The following CDH13 variants were observed in gnomAD, a reference collection of about 807,000 sequenced individuals.
CDH13 encodes the protein cadherin-13.
Under a neutral mutation model 63.8 loss-of-function variants are expected in CDH13, and 24 were observed. That is an observed-to-expected ratio of 0.38 (90% CI 0.27 to 0.53). The LOEUF (loss-of-function observed/expected upper bound fraction) is 0.53. CDH13 is among the 20% of genes least tolerant of loss of function. The probability of loss-of-function intolerance (pLI) is 0.85; values close to 1 mark genes in which losing one functional copy is unlikely to be tolerated. For missense variants in CDH13, 1,049 were observed against 903.1 expected (o/e 1.16, Z -2.07); for synonymous variants, 503 against 355.3 (o/e 1.42, Z -4.67).
At chr16:82,682,710 T>C (rs895282404) in intron 1 of CDH13, among the ~76,000 whole-genome samples, 2 of 152,196 alleles carry the variant, frequency 1.3e-5, no homozygotes, top group African/African-American at 2.4e-5. Flanking sequence ...CACAAAGTAA[T>C]TGAGCTTTGC....
chr16:83,526,161 T>G (rs2074954518), intron 7 of CDH13, among the ~76,000 whole-genome samples: 1 of 152,236 alleles, frequency 6.6e-6, no homozygotes, highest in Admixed American at 6.5e-5. Flanking sequence ...GCCACCACCT[T>G]CGAACCAGCT....
intron 8 of CDH13, among the ~76,000 whole-genome samples, chr16:83,659,553 G>T (rs553158926): frequency 3.3e-5 from 5 of 152,228 alleles, no homozygotes; most frequent in Non-Finnish European, 2.9e-5. Context: ...ATCACAGGGG[G>T]GTGTTTTCAG....
intron 2 of CDH13, among the ~76,000 whole-genome samples, chr16:82,871,676 C>G (rs1327980699): frequency 1.3e-5 from 2 of 152,194 alleles, no homozygotes; most frequent in East Asian, 3.9e-4. Context: ...CTAGCCTCAG[C>G]AAAAACATAT....
At chr16:83,082,045 C>T (rs943246105) in intron 3 of CDH13, among the ~76,000 whole-genome samples, 8 of 152,100 alleles carry the variant, frequency 5.3e-5, no homozygotes, top group Non-Finnish European at 1.2e-4. Context: ...GGTGATCTGC[C>T]CGCCTCGGCC....
chr16:83,751,389 G>T (rs1270633750), intron 11 of CDH13, among the ~76,000 whole-genome samples: 1 of 151,834 alleles, frequency 6.6e-6, no homozygotes, highest in Non-Finnish European at 1.5e-5. Flanking sequence ...GAGGTCAGGA[G>T]TTCAAGACCA....
chr16:83,142,597 TCCAGAGCACTGATCACA>T (rs1428674266), intron 4 of CDH13, among the ~76,000 whole-genome samples: 3 of 152,154 alleles, frequency 2.0e-5, no homozygotes, highest in Non-Finnish European at 4.4e-5. Context: ...CTAGTCCTTC[TCCAGAGCACTGATCACA>T]CCAGTGATTA....
intron 5 of CDH13, among the ~76,000 whole-genome samples, chr16:83,326,159 C>A (rs887561646): frequency 2.0e-5 from 3 of 152,158 alleles, no homozygotes; most frequent in African/African-American, 4.8e-5. Context: ...TTTTATTCAT[C>A]TTTCCAGAAC....
intron 1 of CDH13, among the ~76,000 whole-genome samples, chr16:82,694,324 A>C (rs910231124): frequency 6.6e-6 from 1 of 152,246 alleles, no homozygotes; most frequent in African/African-American, 2.4e-5. Flanking sequence ...AAAATGTGAC[A>C]GGCAGACTTT....
chr16:83,244,601 C>G (rs939569018), intron 5 of CDH13, among the ~76,000 whole-genome samples: 6 of 152,016 alleles, frequency 3.9e-5, no homozygotes, highest in African/African-American at 1.5e-4. Context: ...CCAACACCAC[C>G]CTCAGATTTG....
chr16:83,351,230 T>A (rs1177532584), intron 6 of CDH13, among the ~76,000 whole-genome samples: 2 of 151,790 alleles, frequency 1.3e-5, no homozygotes, highest in Admixed American at 6.6e-5. Context: ...CATTCTCAAC[T>A]GCCCCAACCA....
chr16:82,805,616 T>C (rs751542736), intron 1 of CDH13, among the ~76,000 whole-genome samples: 13 of 152,152 alleles, frequency 8.5e-5, no homozygotes, highest in Non-Finnish European at 1.3e-4. Context: ...TGTCATTCTG[T>C]GAGTCAGAGT....
At chr16:83,015,904 C>A (rs1487075119) in intron 2 of CDH13, among the ~76,000 whole-genome samples, 1 of 151,594 alleles carries the variant, frequency 6.6e-6, no homozygotes, top group Non-Finnish European at 1.5e-5. Context: ...TTACATTTGG[C>A]TTGTGCACTT....
At chr16:82,682,729 ATAAT>A (rs1230936078) in intron 1 of CDH13, among the ~76,000 whole-genome samples, 2 of 152,198 alleles carry the variant, frequency 1.3e-5, no homozygotes, top group Non-Finnish European at 1.5e-5. Flanking sequence ...GCTAATGGAG[ATAAT>A]TAATTAGGAA....
At chr16:83,269,685 C>G (rs966551550) in intron 5 of CDH13, among the ~76,000 whole-genome samples, 2 of 152,130 alleles carry the variant, frequency 1.3e-5, no homozygotes, top group Non-Finnish European at 2.9e-5. Context: ...CATCTCTGCC[C>G]AGTACCCTGA....
intron 10 of CDH13, among the ~76,000 whole-genome samples, chr16:83,739,684 C>T (rs892904231): frequency 6.6e-6 from 1 of 152,116 alleles, no homozygotes; most frequent in African/African-American, 2.4e-5. Flanking sequence ...ACAGGTGGCT[C>T]TTTTGAGAGA....
At chr16:82,881,812 C>T (rs575206810) in intron 2 of CDH13, among the ~76,000 whole-genome samples, 20 of 152,210 alleles carry the variant, frequency 1.3e-4, no homozygotes, top group African/African-American at 4.3e-4. Flanking sequence ...CCCTGCGATA[C>T]GATAGCATGT....
At position 82,997,537 on chromosome 16, in the gene CDH13, A is replaced by G. The variant is rs182610932; in HGVS notation, c.158-34473A>G. Among the ~76,000 whole-genome samples, 3 of 152,364 alleles carry G rather than the reference A, an allele frequency of 2.0e-5. No individual in the cohort carries two copies. In the East Asian group the frequency reaches 5.8e-4, roughly 29 times the overall value. Reference sequence around the variant, plus strand: ...TTAAATAAAGGTTCTGTACATGCACAATATATTCTATTTACCTTCCCCTAA... The same window carrying G: ...TTAAATAAAGGTTCTGTACATGCACGATATATTCTATTTACCTTCCCCTAA... On this transcript the variant is annotated intron_variant, in intron 2 of 13. Coordinates refer to ENST00000567109, the MANE Select transcript of CDH13 (RefSeq NM_001257.5).
At chr16:83,425,096 C>T (rs908047953) in intron 6 of CDH13, among the ~76,000 whole-genome samples, 11 of 152,224 alleles carry the variant, frequency 7.2e-5, no homozygotes, top group Admixed American at 5.9e-4. Flanking sequence ...CAAGAAAGAG[C>T]TGTGATCCCA....
intron 6 of CDH13, among the ~76,000 whole-genome samples, chr16:83,483,282 C>T (rs1041026690): frequency 1.7e-4 from 26 of 152,132 alleles, no homozygotes; most frequent in Admixed American, 1.5e-3. Flanking sequence ...TGAAGACAAA[C>T]ACGGGGCTTA....
Sources: gnomAD v4.1 joint callset for allele counts (sites outside exome capture counted in the v4.1 genomes callset) on GRCh38, gnomAD v4.1.1 for gene constraint, MANE v1.5 for transcripts, NCBI Gene and HGNC (gene_info 2026-07-23, HGNC 2026-07-21) for gene names.